The following SUN5 variants were observed in gnomAD, a reference collection of about 807,000 sequenced individuals.
SUN5 encodes SUN domain-containing protein 5.
Under a neutral mutation model 53.7 loss-of-function variants are expected in SUN5, and 44 were observed. The observed-to-expected ratio is 0.82, with a 90% CI of 0.64 to 1.05. SUN5 has a LOEUF of 1.05. Among genes scored for constraint, SUN5 ranks in the 50% least tolerant of loss-of-function variants. The pLI, the probability that SUN5 is intolerant of heterozygous loss-of-function variation, is 0.00. For missense variants in SUN5, 433 were observed against 483.8 expected, an observed-to-expected ratio of 0.90 and a Z score of 0.98; for synonymous variants, 166 against 179.8, an observed-to-expected ratio of 0.92 and a Z score of 0.62.
chr20:33,004,365 A>C lies in SUN5; in HGVS notation c.-25T>G. 6.5e-7 allele frequency: 1 copy of C among 1,541,868 alleles called. No homozygotes were observed. Among genetic ancestry groups the C allele is most frequent in the South Asian group, 1.2e-5 (1 of 81,836 alleles). ...TCGATTTCCTTCTTTAGGATTGGGGATGGAGATGGGAACTCTGGGAGCTGG... is the reference window on the plus strand; with the variant it reads ...TCGATTTCCTTCTTTAGGATTGGGGCTGGAGATGGGAACTCTGGGAGCTGG... On this transcript the variant is annotated 5_prime_UTR_variant, in exon 1 of 13. Coordinates refer to ENST00000356173, the MANE Select transcript of SUN5 (RefSeq NM_080675.4).
intron 8 of SUN5, among the ~76,000 whole-genome samples, chr20:32,990,802 A>G (rs544984542): frequency 6.6e-6 from 1 of 152,182 alleles, no homozygotes; most frequent in South Asian, 2.1e-4. Flanking sequence ...GATACCATGG[A>G]ACACAGACAA....
At chr20:32,984,842 A>G (rs1359363638) in intron 12 of SUN5, among the ~76,000 whole-genome samples, 1 of 152,226 alleles carries the variant, frequency 6.6e-6, no homozygotes, top group African/African-American at 2.4e-5. Flanking sequence ...GTCCCCGGGA[A>G]GAAACACAGC....
Position 33,001,213 on chromosome 20 carries a change from T to C in SUN5, c.277A>G (p.Arg93Gly). The change falls in exon 4 of 13, where the codon AGA becomes GGA. Residue 93 changes from arginine to glycine, a missense_variant and splice_region_variant. Physicochemically the swap from Arg to Gly is moderately radical, Grantham distance 125 (BLOSUM62 -2). Transcript: ENST00000356173. ...CCTCCCCCTGCCTTCCCTGCTCACC[T>C]GCACGTGTTAAACAGAACCTGCTGG... ...QAQQVLFNTC[R>G]CKLLCQKLME... The C allele has an allele frequency of 6.4e-7, 1 of 1,572,272 alleles. No individual in the cohort carries two copies. The highest frequency in any genetic ancestry group is 8.6e-7 in the Non-Finnish European group (1 of 1,156,438).
intron 6 of SUN5, among the ~76,000 whole-genome samples, 158 bp from the exon 7 acceptor site, chr20:32,996,516 AC>A (rs1157337788): frequency 6.6e-6 from 1 of 151,726 alleles, no homozygotes; most frequent in Non-Finnish European, 1.5e-5. Context: ...ATTTCTCCAA[AC>A]TCTAATTTAC....
intron 11 of SUN5, 36 bp from the exon 12 acceptor site, chr20:32,985,221 C>T: frequency 3.1e-6 from 5 of 1,599,858 alleles, no homozygotes; most frequent in Non-Finnish European, 4.3e-6. Flanking sequence ...GCGTCAGATA[C>T]AAGCAGGGCC....
intron 5 of SUN5, among the ~76,000 whole-genome samples, chr20:32,998,976 A>G (rs1294031888): frequency 6.6e-6 from 1 of 152,222 alleles, no homozygotes; most frequent in Non-Finnish European, 1.5e-5. Flanking sequence ...TTGAGGCTGC[A>G]GTGAGCTATG....
chr20:32,987,551 G>GC, intron 10 of SUN5, 109 bp downstream of exon 10: 6 of 370,348 alleles, frequency 1.6e-5, no homozygotes, highest in South Asian at 7.4e-5. Flanking sequence ...CCCCGCCCCT[G>GC]CCCCCACTCC....
chr20:32,992,051 G>A (rs221972), intron 8 of SUN5, among the ~76,000 whole-genome samples: 52,417 of 152,030 alleles, frequency 0.34, 9,719 homozygotes, highest in East Asian at 0.79. Flanking sequence ...TGCATTTTGC[G>A]AATTCATCTG....
chr20:32,990,118 C>T (rs1036337336), intron 8 of SUN5, among the ~76,000 whole-genome samples: 13 of 152,170 alleles, frequency 8.5e-5, no homozygotes, highest in African/African-American at 2.2e-4. Context: ...GGGCTATCCT[C>T]GGCTTCACAT....
At chr20:32,995,563 C>G (rs900519814) in intron 8 of SUN5, 56 bp downstream of exon 8, 116 of 1,475,228 alleles carry the variant, frequency 7.9e-5, no homozygotes, top group Admixed American at 6.8e-5. Context: ...GTATAGGAAA[C>G]AGGACATCAA....
chr20:33,001,639 T>TAACCTCCC, intron 3 of SUN5, among the ~76,000 whole-genome samples: 1 of 83,072 alleles, frequency 1.2e-5, no homozygotes. Flanking sequence ...CTTTCTTTCT[T>TAACCTCCC]TTCCTCCCTC....
intron 8 of SUN5, among the ~76,000 whole-genome samples, chr20:32,989,920 T>A (rs931921119): frequency 6.6e-6 from 1 of 152,130 alleles, no homozygotes; most frequent in African/African-American, 2.4e-5. Flanking sequence ...TGTGACCAGA[T>A]GTCATATGGA....
intron 11 of SUN5, 35 bp from the exon 12 acceptor site, chr20:32,985,220 A>G: frequency 1.9e-6 from 3 of 1,602,618 alleles, no homozygotes; most frequent in South Asian, 1.1e-5. Context: ...GGCGTCAGAT[A>G]CAAGCAGGGC....
intron 3 of SUN5, 149 bp downstream of exon 3, chr20:33,002,438 G>A: frequency 2.8e-6 from 2 of 720,472 alleles, no homozygotes; most frequent in Non-Finnish European, 2.4e-6. Flanking sequence ...TACCTCCGAT[G>A]GGTAGAACTC....
intron 8 of SUN5, among the ~76,000 whole-genome samples, chr20:32,994,550 A>C (rs1989790597): frequency 6.6e-6 from 1 of 151,216 alleles, no homozygotes; most frequent in South Asian, 2.1e-4. Context: ...ACAGAATTAA[A>C]GTCTGTGAAA....
chr20:32,999,615 C>T (rs180800677), intron 5 of SUN5, among the ~76,000 whole-genome samples: 137 of 152,234 alleles, frequency 9.0e-4, no homozygotes, highest in Non-Finnish European at 1.6e-3. Context: ...TGTTATTTAT[C>T]GAAGTCCTAG....
intron 4 of SUN5, 32 bp downstream of exon 4, chr20:33,001,180 C>T (rs761379346): frequency 1.9e-6 from 3 of 1,557,912 alleles, no homozygotes; most frequent in Non-Finnish European, 2.6e-6. Context: ...TTCCCACTCC[C>T]CATCCACCCT....
Position 33,001,257 on chromosome 20 carries a change from C to T in SUN5, c.233G>A (p.Cys78Tyr). The T allele has an allele frequency of 6.3e-7, 1 of 1,576,826 alleles. No individual in the cohort carries two copies. Among genetic ancestry groups the T allele is most frequent in the African/African-American group, 1.3e-5 (1 of 74,368 alleles). Residue 78 changes from cysteine (C) to tyrosine (Y), a missense_variant, in exon 4 of 13, where the codon TGC becomes TAC. Cys to Tyr is a radical substitution (Grantham distance 194). Transcript: ENST00000356173. ...GCVSWFTCFACSLRTQAQQVL... is the reference protein window; with the variant it reads ...GCVSWFTCFAYSLRTQAQQVL... ...CTGCTGGGCCTGAGTTCTCAGGGAG[C>T]AGGCAAAACAGGTGAACCAGGCTGC...
At chr20:32,984,379 G>GT (rs1989477535) in intron 12 of SUN5, among the ~76,000 whole-genome samples, 1 of 152,202 alleles carries the variant, frequency 6.6e-6, no homozygotes, top group Non-Finnish European at 1.5e-5. Context: ...CCGGCACATA[G>GT]TAAGTTCTCT....
Sources: allele counts gnomAD v4.1 joint callset (sites outside exome capture counted in the v4.1 genomes callset), GRCh38; gene constraint gnomAD v4.1.1; transcripts MANE v1.5; gene names NCBI Gene and HGNC (gene_info 2026-07-23, HGNC 2026-07-21).